ANKS3: variants seen among roughly 807,000 people sequenced by gnomAD.
ANKS3 encodes ankyrin repeat and SAM domain-containing protein 3.
Under a neutral mutation model 80.7 loss-of-function variants are expected in ANKS3, and 62 were observed. The ratio of observed to expected loss-of-function variants is 0.77; its 90% CI spans 0.63 to 0.95. The LOEUF (loss-of-function observed/expected upper bound fraction) is 0.95. Ranked by LOEUF, ANKS3 falls within the 40% of genes least tolerant of loss-of-function variation. The pLI is 0.00. For missense variants in ANKS3, 1,150 were observed against 883.6 expected (o/e 1.30, Z -3.82); for synonymous variants, 489 against 355.3 (o/e 1.38, Z -4.23).
chr16:4,705,678 C>G (rs1395602411), intron 7 of ANKS3, among the ~76,000 whole-genome samples: 1 of 151,778 alleles, frequency 6.6e-6, no homozygotes, highest in South Asian at 2.1e-4. Context: ...CCATGTTGGC[C>G]AGGCTGGTCT....
At chr16:4,720,342 G>A (rs1457697754) in intron 6 of ANKS3, among the ~76,000 whole-genome samples, 1 of 146,934 alleles carries the variant, frequency 6.8e-6, no homozygotes, top group African/African-American at 2.5e-5. Flanking sequence ...AGTGCCTACA[G>A]TCCCAGCTAC....
chr16:4,705,547 CT>C (rs1213336681), intron 7 of ANKS3, among the ~76,000 whole-genome samples: 1 of 152,208 alleles, frequency 6.6e-6, no homozygotes, highest in Non-Finnish European at 1.5e-5. Context: ...TCACTGCAAC[CT>C]CCGCCTCCTG....
intron 9 of ANKS3, 55 bp from the exon 10 acceptor site, chr16:4,701,598 T>A (rs978174792): frequency 3.5e-5 from 53 of 1,514,330 alleles, no homozygotes; most frequent in Non-Finnish European, 5.4e-6. Flanking sequence ...GTGCTGCGCA[T>A]GGGCGTGCCC....
chr16:4,721,483 C>T (rs2081090086), intron 6 of ANKS3, among the ~76,000 whole-genome samples: 1 of 150,866 alleles, frequency 6.6e-6, no homozygotes, highest in South Asian at 2.1e-4. Context: ...TGGTGGCACG[C>T]ACCTGTAATC....
chr16:4,707,891 A>C (rs1008727570), intron 7 of ANKS3, among the ~76,000 whole-genome samples: 3 of 152,134 alleles, frequency 2.0e-5, no homozygotes, highest in Non-Finnish European at 4.4e-5. Flanking sequence ...TGGGCGGATC[A>C]CTTGAGGTCA....
chr16:4,697,595 C>T (rs2079638456), intron 15 of ANKS3, among the ~76,000 whole-genome samples, 179 bp from the exon 16 acceptor site: 1 of 151,914 alleles, frequency 6.6e-6, no homozygotes, highest in African/African-American at 2.4e-5. Context: ...CCCTTCCTCC[C>T]ACAGGCTGAG....
intron 6 of ANKS3, among the ~76,000 whole-genome samples, chr16:4,721,681 C>G (rs1868278595): frequency 6.6e-6 from 1 of 151,026 alleles, no homozygotes; most frequent in African/African-American, 2.4e-5. Flanking sequence ...CTCTGTCACC[C>G]AGGCTGGAGT....
chr16:4,718,076 A>AT lies in ANKS3; in HGVS notation c.574-3891dup, dbSNP rs780141955. ...AGGCATGAGCCACCATGCCTGGCCA[A>AT]TTTTTTTTTTTTTTTTTTTTTTAAT... On this transcript the variant is annotated intron_variant, in intron 6 of 17. Coordinates refer to ENST00000304283, the MANE Select transcript of ANKS3 (RefSeq NM_133450.4). Among the ~76,000 whole-genome samples, 1,032 of 133,678 alleles carry AT rather than the reference A, an allele frequency of 7.7e-3. 7 individuals carry two copies. The highest frequency in any genetic ancestry group is 0.033 in the Middle Eastern group (8 of 240). 87.7% of individuals were successfully genotyped at this position (133,678 alleles called of 152,430 possible).
intron 7 of ANKS3, among the ~76,000 whole-genome samples, chr16:4,709,050 G>C (rs2080349547): frequency 6.6e-6 from 1 of 151,944 alleles, no homozygotes; most frequent in African/African-American, 2.4e-5. Flanking sequence ...AGGATCGCTT[G>C]GGCCCAGGAG....
chr16:4,724,866 G>C (rs754603363), intron 5 of ANKS3, 35 bp from the exon 6 acceptor site: 3 of 1,607,872 alleles, frequency 1.9e-6, no homozygotes, highest in Non-Finnish European at 1.7e-6. Context: ...ATGATTGGAA[G>C]AGACAAGTTC....
chr16:4,698,780 TCCCC>T lies in ANKS3; in HGVS notation c.1551+16_1551+19del. ...TCACGGGTGTCACCCTGCCCCCCCA[TCCCC>T]CACCCAGCCACTCACCTTGTGCAGC... On this transcript the variant is annotated intron_variant, in intron 13 of 17. Coordinates refer to ENST00000304283, the MANE Select transcript of ANKS3 (RefSeq NM_133450.4). 1 of 1,476,586 alleles carries T rather than the reference TCCCC, an allele frequency of 6.8e-7. No homozygotes were observed. The highest frequency in any genetic ancestry group is 1.4e-5 in the African/African-American group (1 of 73,300). The allele number at this position is 1,476,586 out of a possible 1,614,324, so 91.5% of individuals were successfully genotyped here. A position where few individuals can be genotyped will look rare whatever the true frequency, so the allele number is the denominator to read the frequency against.
intron 7 of ANKS3, among the ~76,000 whole-genome samples, chr16:4,707,280 A>AT (rs1403478756): frequency 1.6e-5 from 2 of 121,808 alleles, no homozygotes; most frequent in African/African-American, 5.8e-5. Context: ...ACGGAAGGAC[A>AT]CTTTTTTTTT....
intron 6 of ANKS3, among the ~76,000 whole-genome samples, chr16:4,723,263 A>G (rs182708387): frequency 7.8e-4 from 119 of 152,340 alleles, no homozygotes; most frequent in Non-Finnish European, 1.5e-3. Flanking sequence ...AAACAATTTT[A>G]GCACATTTTT....
In ANKS3 at chr16:4,701,443, C is replaced by G; in HGVS notation, c.1110G>C (p.Glu370Asp). Reference sequence around the variant, plus strand: ...AAGAAAGAATCCGTACCTCGTTGCTCTCCACAGAAGCTTCGCTGCTGAGCC... The same window carrying G: ...AAGAAAGAATCCGTACCTCGTTGCTGTCCACAGAAGCTTCGCTGCTGAGCC... ...AQGLSSEASV[E>D]SNEDSDHACK... The change falls in exon 10 of 18, where the codon GAG (glutamate) becomes GAC (aspartate). Residue 370 changes from glutamate (E) to aspartate (D), a missense_variant. Glu to Asp is a conservative substitution (Grantham distance 45). Coordinates refer to ENST00000304283, the MANE Select transcript of ANKS3 (RefSeq NM_133450.4). 1 of 1,601,898 alleles carries G rather than the reference C, an allele frequency of 6.2e-7. No individual in the cohort carries two copies. Among genetic ancestry groups the G allele is most frequent in the Non-Finnish European group, 8.5e-7 (1 of 1,172,582 alleles).
At chr16:4,713,858 C>G in intron 7 of ANKS3, among the ~76,000 whole-genome samples, 193 bp downstream of exon 7, 1 of 152,244 alleles carries the variant, frequency 6.6e-6, no homozygotes. Context: ...TTGTACCACT[C>G]TCCATCGTAA....
intron 3 of ANKS3, among the ~76,000 whole-genome samples, chr16:4,728,314 G>GA (rs1596459038): frequency 6.6e-6 from 1 of 152,148 alleles, no homozygotes; most frequent in African/African-American, 2.4e-5. Context: ...CAAAGTGCTG[G>GA]ATTACAGGCG....
chr16:4,697,019 GC>G lies in ANKS3; in HGVS notation c.*8del. 1 of 1,611,520 alleles carries G rather than the reference GC, an allele frequency of 6.2e-7. No individual in the cohort carries two copies. Among genetic ancestry groups the G allele is most frequent in the South Asian group, 1.1e-5 (1 of 90,684 alleles). On this transcript the variant is annotated 3_prime_UTR_variant, in exon 17 of 18. Transcript: ENST00000304283. ...GATCCAGGCTGGCAGACACTCACCG[GC>G]CCGCAGGCTAGGTCTCCCGCCACTT...
At position 4,702,090 on chromosome 16, in the gene ANKS3, G is replaced by A. The variant is rs369546083; in HGVS notation, c.1009+12C>T. The A allele has an allele frequency of 1.3e-6, 2 of 1,572,574 alleles. No individual in the cohort carries two copies. The highest frequency in any genetic ancestry group is 1.7e-6 in the Non-Finnish European group (2 of 1,164,714). ...CCTGAGCCACGGGCCGGATGGGTGG[G>A]GGTGCACGTACCCCGACTGCTGCTG... On this transcript the variant is annotated intron_variant, in intron 9 of 17. Transcript: ENST00000304283.
chr16:4,720,124 T>TGTACTCCA lies in ANKS3; in HGVS notation c.573+4618_573+4625dup, dbSNP rs554617208. Among the ~76,000 whole-genome samples, 540 of 129,262 alleles carry TGTACTCCA rather than the reference T, an allele frequency of 4.2e-3. 4 individuals carry two copies. The highest frequency in any genetic ancestry group is 0.015 in the African/African-American group (512 of 33,678). 84.8% of individuals were successfully genotyped at this position (129,262 alleles called of 152,430 possible). On this transcript the variant is annotated intron_variant, in intron 6 of 17. Transcript: ENST00000304283. ...TTGCACTGAGCTGAGATCACACCAC[T>TGTACTCCA]GTACTCCAGCCTTGGGGACAGAGCA...
Sources: allele counts gnomAD v4.1 joint callset (sites outside exome capture counted in the v4.1 genomes callset), GRCh38; gene constraint gnomAD v4.1.1; transcripts MANE v1.5; gene names NCBI Gene and HGNC (gene_info 2026-07-23, HGNC 2026-07-21).